The following PDE10A variants were observed in gnomAD, a reference collection of about 807,000 sequenced individuals.
PDE10A encodes the protein phosphodiesterase 10A.
PDE10A carries 39 observed loss-of-function variants against 97.7 expected under a neutral mutation model. That is an observed-to-expected ratio of 0.40 (90% CI 0.31 to 0.52). PDE10A has a LOEUF of 0.52. Ranked by LOEUF, PDE10A falls within the 20% of genes least tolerant of loss-of-function variation. The pLI, the probability that PDE10A is intolerant of heterozygous loss-of-function variation, is 0.56. For missense variants in PDE10A, 731 were observed against 1,047.8 expected (o/e 0.70, Z 4.17); for synonymous variants, 371 against 376.8 (o/e 0.98, Z 0.18).
chr6:165,725,173 A>T lies in PDE10A; in HGVS notation c.-614-181605T>A, dbSNP rs566791129. On this transcript the variant is annotated intron_variant, in intron 1 of 19. Transcript: ENST00000366882. ...TGCTGAGAGCCACTTCCACCACTCAATAAAACCTCACACTCATTCTCCAAG... is the reference window on the plus strand; with the variant it reads ...TGCTGAGAGCCACTTCCACCACTCATTAAAACCTCACACTCATTCTCCAAG... Among the ~76,000 whole-genome samples the T allele has an allele frequency of 3.9e-5, 6 of 152,308 alleles. No individual in the cohort carries two copies. The East Asian group carries it at 9.7e-4, about 25-fold the overall frequency.
At position 165,819,150 on chromosome 6, in the gene PDE10A, G is replaced by A. The variant is rs1048650131; in HGVS notation, c.-615+168379C>T. Among the ~76,000 whole-genome samples, 13 of 152,062 alleles carry A rather than the reference G, an allele frequency of 8.5e-5. No homozygotes were observed. Among genetic ancestry groups the A allele is most frequent in the African/African-American group, 2.9e-4 (12 of 41,396 alleles). On this transcript the variant is annotated intron_variant, in intron 1 of 19. Transcript: ENST00000366882. This position sits in a 1 kb window ranked among gnomAD's most constrained non-coding sequence, Gnocchi z 4.2. Reference sequence around the variant, plus strand: ...ATTTCCAAAACCAGTTTTCAAAACCGAGTTCATCTCTGCACCTGCTCCCTC... The same window carrying A: ...ATTTCCAAAACCAGTTTTCAAAACCAAGTTCATCTCTGCACCTGCTCCCTC...
chr6:165,532,284 T>C (rs1782825464), intron 2 of PDE10A, among the ~76,000 whole-genome samples: 1 of 151,362 alleles, frequency 6.6e-6, no homozygotes, highest in Non-Finnish European at 1.5e-5. Flanking sequence ...TTATTCTCCA[T>C]AAGGAGAATA....
intron 1 of PDE10A, among the ~76,000 whole-genome samples, chr6:165,725,969 G>C (rs763950348): frequency 6.6e-6 from 1 of 152,184 alleles, no homozygotes; most frequent in Non-Finnish European, 1.5e-5. Flanking sequence ...GGACAGGAAC[G>C]GAGTTCAATT....
intron 4 of PDE10A, 33 bp downstream of exon 4, chr6:165,450,209 T>A (rs78872102): frequency 8.4e-7 from 1 of 1,196,616 alleles, no homozygotes; most frequent in Non-Finnish European, 1.1e-6. Context: ...TCTTTGCCCA[T>A]TTTTTCTAAC....
intron 1 of PDE10A, among the ~76,000 whole-genome samples, chr6:165,706,515 A>T (rs1791713294): frequency 6.6e-6 from 1 of 152,222 alleles, no homozygotes. Flanking sequence ...TAAGAATTGA[A>T]CCAAAGTCAG....
intron 1 of PDE10A, among the ~76,000 whole-genome samples, chr6:165,557,961 C>T (rs945390423): frequency 1.3e-5 from 2 of 152,148 alleles, no homozygotes; most frequent in African/African-American, 4.8e-5. Flanking sequence ...TTATTCAGTA[C>T]GTGTATACTG....
chr6:165,915,314 T>A lies in PDE10A; in HGVS notation c.-615+72215A>T, dbSNP rs188257611. On this transcript the variant is annotated intron_variant, in intron 1 of 19. Coordinates refer to the PDE10A transcript ENST00000366882. Reference sequence around the variant, plus strand: ...CCTTTCCTCAAATTGTAACGATTTTTAAAAAATTGAACAAGTAATTTGAGC... The same window carrying A: ...CCTTTCCTCAAATTGTAACGATTTTAAAAAAATTGAACAAGTAATTTGAGC... Among the ~76,000 whole-genome samples the A allele has an allele frequency of 7.5e-3, 1,147 of 152,250 alleles. 6 individuals are homozygous for A. Among genetic ancestry groups the A allele is most frequent in the Non-Finnish European group, 0.011 (771 of 68,016 alleles).
chr6:165,639,202 C>G (rs562573931), intron 1 of PDE10A, among the ~76,000 whole-genome samples: 1 of 152,184 alleles, frequency 6.6e-6, no homozygotes, highest in African/African-American at 2.4e-5. Flanking sequence ...AACAATTTGC[C>G]TAGGAGTCCA....
chr6:165,353,735 G>T (rs1782847059), intron 18 of PDE10A, among the ~76,000 whole-genome samples: 1 of 152,132 alleles, frequency 6.6e-6, no homozygotes, highest in Non-Finnish European at 1.5e-5. Context: ...CGGAGAGTGA[G>T]GAATGAATAG....
At chr6:165,619,489 CTAG>C (rs1787986751) in intron 1 of PDE10A, among the ~76,000 whole-genome samples, 2 of 28,144 alleles carry the variant, frequency 7.1e-5, no homozygotes, top group Non-Finnish European at 1.3e-4. Context: ...CTAGTGTAGT[CTAG>C]TGTAGTCTAG....
chr6:165,516,249 A>G (rs1781800599), intron 2 of PDE10A, among the ~76,000 whole-genome samples: 1 of 152,132 alleles, frequency 6.6e-6, no homozygotes, highest in Non-Finnish European at 1.5e-5. Context: ...TCCCATAAGC[A>G]TACAGTCTCT....
intron 1 of PDE10A, among the ~76,000 whole-genome samples, chr6:165,873,137 C>T (rs577211539): frequency 2.0e-5 from 3 of 152,192 alleles, no homozygotes; most frequent in East Asian, 1.9e-4. Context: ...CCAGATCCCC[C>T]CAAAGCCCCA....
chr6:165,658,533 A>C (rs1355939048), intron 1 of PDE10A, among the ~76,000 whole-genome samples: 1 of 152,114 alleles, frequency 6.6e-6, no homozygotes. Flanking sequence ...TGTTCTCCTT[A>C]TCCACAGGCG....
chr6:165,668,332 C>T (rs1489054621), intron 1 of PDE10A, among the ~76,000 whole-genome samples: 1 of 152,172 alleles, frequency 6.6e-6, no homozygotes, highest in Non-Finnish European at 1.5e-5. Context: ...ATACAAGTCT[C>T]GCAAGGGCTG....
At position 165,715,382 on chromosome 6, in the gene PDE10A, T is replaced by A. The variant is rs75267800; in HGVS notation, c.-614-171814A>T. 7.2e-3 allele frequency among the ~76,000 whole-genome samples: 1,095 copies of A among 152,278 alleles called. 11 individuals are homozygous for A. The highest frequency in any genetic ancestry group is 0.025 in the African/African-American group (1,027 of 41,530). On this transcript the variant is annotated intron_variant, in intron 1 of 19. Coordinates refer to the PDE10A transcript ENST00000366882. ...CTCAAAAATCAGCCAACAGAAGTGG[T>A]GTGTGCGTCAGCTGAGCATTATATA... is the stretch of plus-strand genomic sequence containing the variant.
At chr6:165,575,755 C>T (rs1785271200) in intron 1 of PDE10A, among the ~76,000 whole-genome samples, 1 of 152,180 alleles carries the variant, frequency 6.6e-6, no homozygotes, top group South Asian at 2.1e-4. Context: ...AATAATCACC[C>T]AATGATTTCA....
At chr6:165,415,650 C>T (rs1219100709) in intron 12 of PDE10A, among the ~76,000 whole-genome samples, 1 of 152,048 alleles carries the variant, frequency 6.6e-6, no homozygotes, top group African/African-American at 2.4e-5. Flanking sequence ...TGAATATTAT[C>T]TGTGATCTTA....
chr6:165,400,309 A>G (rs1208792724), intron 13 of PDE10A, among the ~76,000 whole-genome samples: 1 of 152,124 alleles, frequency 6.6e-6, no homozygotes, highest in East Asian at 1.9e-4. Flanking sequence ...ACAATGTTAA[A>G]CATCATAATA....
At chr6:165,509,483 C>T (rs1297673649) in intron 2 of PDE10A, among the ~76,000 whole-genome samples, 4 of 151,868 alleles carry the variant, frequency 2.6e-5, no homozygotes, top group Non-Finnish European at 4.4e-5. Flanking sequence ...GGATTGCAAT[C>T]GCCTTGCAAT....
Sources: allele counts gnomAD v4.1 joint callset (sites outside exome capture counted in the v4.1 genomes callset), GRCh38; gene constraint gnomAD v4.1.1; non-coding constraint Gnocchi (gnomAD v3.1); transcripts MANE v1.5; gene names NCBI Gene and HGNC (gene_info 2026-07-23, HGNC 2026-07-21).